The following DOP1A variants were observed in gnomAD, a reference collection of about 807,000 sequenced individuals.
DOP1A encodes the protein protein DOP1A.
Under a neutral mutation model 267.6 loss-of-function variants are expected in DOP1A, and 90 were observed. The ratio of observed to expected loss-of-function variants is 0.34; its 90% CI spans 0.28 to 0.40. DOP1A has a LOEUF of 0.40. DOP1A is among the 10% of genes least tolerant of loss of function. The pLI is 1.00. For missense variants in DOP1A, 2,437 were observed against 2,900.4 expected (o/e 0.84, Z 3.67); for synonymous variants, 932 against 999.1 (o/e 0.93, Z 1.27).
At chr6:83,147,387 G>A (rs1780796805) in intron 26 of DOP1A, 96 bp downstream of exon 26, 8 of 570,760 alleles carry the variant, frequency 1.4e-5, no homozygotes, top group South Asian at 5.3e-5. Context: ...GTGTCTTAAC[G>A]ACCCAGCCAT....
At chr6:83,117,352 A>G (rs1775628172) in intron 7 of DOP1A, among the ~76,000 whole-genome samples, 1 of 151,828 alleles carries the variant, frequency 6.6e-6, no homozygotes, top group South Asian at 2.1e-4. Flanking sequence ...GGGTTTCACC[A>G]TGTTAGCCAG....
At chr6:83,145,443 G>A in intron 24 of DOP1A, 81 bp from the exon 25 acceptor site, 1 of 1,227,178 alleles carries the variant, frequency 8.1e-7, no homozygotes, top group Non-Finnish European at 1.1e-6. Context: ...AAAAAGAAGA[G>A]ATCATAAAAT....
At chr6:83,150,893 A>G (rs934784340) in intron 27 of DOP1A, among the ~76,000 whole-genome samples, 3 of 152,202 alleles carry the variant, frequency 2.0e-5, no homozygotes, top group African/African-American at 7.2e-5. Flanking sequence ...AAAAGTCAAC[A>G]TACCACTATA....
intron 27 of DOP1A, among the ~76,000 whole-genome samples, chr6:83,149,828 C>T (rs1011813988): frequency 1.3e-5 from 2 of 152,096 alleles, no homozygotes; most frequent in African/African-American, 4.8e-5. Context: ...AGAAGAAAAC[C>T]AGGCATTTGA....
At chr6:83,157,727 T>G (rs989475068) in intron 35 of DOP1A, among the ~76,000 whole-genome samples, 1 of 152,180 alleles carries the variant, frequency 6.6e-6, no homozygotes, top group African/African-American at 2.4e-5. Context: ...ATACTCACTC[T>G]TGAAGTGCAG....
At chr6:83,153,717 G>T in intron 31 of DOP1A, 97 bp downstream of exon 31, 1 of 1,205,678 alleles carries the variant, frequency 8.3e-7, no homozygotes, top group Non-Finnish European at 1.1e-6. Context: ...ATCATAAAAT[G>T]GCATTTTTAC....
intron 27 of DOP1A, among the ~76,000 whole-genome samples, chr6:83,150,682 CAG>C (rs763702883): frequency 7.2e-5 from 11 of 152,104 alleles, no homozygotes; most frequent in Non-Finnish European, 1.0e-4. Flanking sequence ...AAAACCATGT[CAG>C]AGTGAATATT....
Position 83,151,601 on chromosome 6 carries a change from A to G in DOP1A, c.5846A>G (p.Asn1949Ser). Residue 1949 changes from asparagine to serine, a missense_variant, in exon 28 of 39, where the codon AAT becomes AGT. Asn to Ser is a conservative substitution (Grantham distance 46, BLOSUM62 1). Transcript: ENST00000349129. The part of the protein sequence containing the change: ...PGQFLILGVL[N>S]EFIMKNPSLE... Reference sequence around the variant, plus strand: ...CTCTTTGGCCCTTTTAGGGTTCTGAATGAGTTTATTATGAAAAACCCTAGT... The same window carrying G: ...CTCTTTGGCCCTTTTAGGGTTCTGAGTGAGTTTATTATGAAAAACCCTAGT... The G allele has an allele frequency of 1.2e-6, 2 of 1,605,676 alleles. No homozygotes were observed. Among genetic ancestry groups the G allele is most frequent in the South Asian group, 1.1e-5 (1 of 88,538 alleles).
intron 12 of DOP1A, among the ~76,000 whole-genome samples, chr6:83,124,131 T>C (rs1205634671): frequency 2.6e-5 from 4 of 152,094 alleles, no homozygotes; most frequent in Non-Finnish European, 5.9e-5. Flanking sequence ...TCAGGGACTA[T>C]ATTATATTCT....
intron 1 of DOP1A, among the ~76,000 whole-genome samples, chr6:83,076,575 AC>A (rs749554521): frequency 6.6e-5 from 10 of 152,006 alleles, no homozygotes; most frequent in Non-Finnish European, 1.3e-4. Context: ...ACAAAGAGAT[AC>A]CTAACCTTAC....
chr6:83,125,380 A>G, intron 14 of DOP1A, 120 bp from the exon 15 acceptor site: 1 of 1,024,096 alleles, frequency 9.8e-7, no homozygotes, highest in Non-Finnish European at 1.4e-6. Context: ...GTTAATTAAG[A>G]GCATGATGCA....
intron 1 of DOP1A, among the ~76,000 whole-genome samples, chr6:83,074,884 A>G (rs1766799255): frequency 6.6e-6 from 1 of 152,208 alleles, no homozygotes. Flanking sequence ...GAAATGTTGA[A>G]TACATTTCAA....
At chr6:83,110,811 A>T (rs747647181) in intron 6 of DOP1A, among the ~76,000 whole-genome samples, 1 of 152,188 alleles carries the variant, frequency 6.6e-6, no homozygotes, top group African/African-American at 2.4e-5. Context: ...CTTTTTCTGC[A>T]TATGATTATG....
At chr6:83,088,669 C>T (rs1219190697) in intron 1 of DOP1A, among the ~76,000 whole-genome samples, 1 of 152,106 alleles carries the variant, frequency 6.6e-6, no homozygotes, top group Non-Finnish European at 1.5e-5. Flanking sequence ...ATCTGCCCGC[C>T]TCAACCTCCC....
intron 15 of DOP1A, among the ~76,000 whole-genome samples, chr6:83,127,848 T>C (rs1011836348): frequency 2.6e-5 from 4 of 152,202 alleles, no homozygotes; most frequent in Admixed American, 2.6e-4. Flanking sequence ...TATGTAATCC[T>C]CATAGCAATT....
At chr6:83,164,641 C>G in intron 38 of DOP1A, 2 of 1,559,780 alleles carry the variant, frequency 1.3e-6, no homozygotes, top group Non-Finnish European at 8.7e-7. Context: ...GCTGTGAGTT[C>G]TCCTCTTTCC....
At chr6:83,135,913 G>T in intron 20 of DOP1A, 35 bp downstream of exon 20, 1 of 1,595,476 alleles carries the variant, frequency 6.3e-7, no homozygotes, top group South Asian at 1.1e-5. Context: ...GCTTTATTTA[G>T]AATTATTAAA....
rs149855399 is a variant in DOP1A, at chr6:83,137,980, C to A, written c.3938C>A (p.Ser1313Tyr). 6.2e-7 allele frequency: 1 copy of A among 1,605,488 alleles called. No homozygotes were observed. Among genetic ancestry groups the A allele is most frequent in the East Asian group, 2.2e-5 (1 of 44,822 alleles). The change falls in exon 21 of 39, where the codon TCT (serine) becomes TAT (tyrosine). Residue 1313 changes from serine (S) to tyrosine (Y), a missense_variant. Ser to Tyr is a moderately radical substitution (Grantham distance 144). Around this residue, in one of 9 missense-constraint regions of DOP1A, gnomAD observed 878 missense variants for 992.9 expected, o/e 0.88. Transcript: ENST00000349129. ...AAAAAGGATGATGACAAGAAAAAAT[C>A]TTCAAATGAAAAACTCAAACAAACC... is the stretch of plus-strand genomic sequence containing the variant. ...ARKKDDDKKKSSNEKLKQTSV... is the reference protein window; with the variant it reads ...ARKKDDDKKKYSNEKLKQTSV...
intron 1 of DOP1A, among the ~76,000 whole-genome samples, chr6:83,069,285 C>T (rs1033345600): frequency 2.6e-5 from 4 of 152,166 alleles, no homozygotes; most frequent in Non-Finnish European, 4.4e-5. Context: ...AAGCAGTGTT[C>T]AATGGCAAAT....
Sources: gnomAD v4.1 joint callset for allele counts (sites outside exome capture counted in the v4.1 genomes callset) on GRCh38, gnomAD v4.1.1 for gene constraint, gnomAD v4.1.1 regional missense constraint, MANE v1.5 for transcripts, NCBI Gene and HGNC (gene_info 2026-07-23, HGNC 2026-07-21) for gene names.